The following RFX2 variants were observed in gnomAD, a reference collection of about 807,000 sequenced individuals.
The protein encoded by RFX2 is DNA-binding protein RFX2.
A neutral mutation model predicts 87.8 loss-of-function variants in RFX2; 20 were observed. The observed-to-expected ratio is 0.23, with a 90% CI of 0.16 to 0.33. The LOEUF is 0.33. RFX2 is among the 10% of genes least tolerant of loss of function. The pLI, the probability that RFX2 is intolerant of heterozygous loss-of-function variation, is 1.00. For synonymous variants in RFX2, 397 were observed against 431.3 expected, an observed-to-expected ratio of 0.92 and a Z score of 0.98; for missense variants, 767 against 1,012.3, an observed-to-expected ratio of 0.76 and a Z score of 3.29.
intron 1 of RFX2, among the ~76,000 whole-genome samples, chr19:6,091,757 G>A (rs1355697517): frequency 1.3e-5 from 2 of 152,220 alleles, no homozygotes; most frequent in Non-Finnish European, 2.9e-5. Context: ...GAGAGAAGTA[G>A]GTGTGGGGAA....
chr19:6,090,436 GAA>G (rs1309229884), intron 1 of RFX2, among the ~76,000 whole-genome samples: 1 of 150,604 alleles, frequency 6.6e-6, no homozygotes, highest in African/African-American at 2.4e-5. Flanking sequence ...GAAAGCACAT[GAA>G]AAGAGGCTCA....
rs1380605396 is a variant in RFX2, at chr19:5,993,609, T to C, written c.*1226A>G. 6.6e-6 allele frequency: 1 copy of C among 152,244 alleles called. No homozygotes were observed. Among genetic ancestry groups the C allele is most frequent in the African/African-American group, 2.4e-5 (1 of 41,464 alleles). 9.4% of individuals were successfully genotyped at this position (152,244 alleles called of 1,614,324 possible). The stretch of plus-strand genomic sequence containing the variant: ...CATTTTTCCAAAAAGAGAAAACTAT[T>C]GCATTTCGTTAGAAATCGCGTCCTG... On this transcript the variant is annotated 3_prime_UTR_variant, in exon 18 of 18. Coordinates refer to ENST00000303657, the MANE Select transcript of RFX2 (RefSeq NM_000635.4).
At chr19:6,031,097 T>C (rs1164135032) in intron 5 of RFX2, among the ~76,000 whole-genome samples, 1 of 152,234 alleles carries the variant, frequency 6.6e-6, no homozygotes, top group Non-Finnish European at 1.5e-5. Flanking sequence ...ACCTGCCAGC[T>C]GTTTTTCTTA....
In RFX2 at chr19:6,063,168, C is replaced by T. The variant is rs1568530480; in HGVS notation, c.-8-15664G>A. On this transcript the variant is annotated intron_variant, in intron 1 of 17. Transcript: ENST00000303657. This position sits in a 1 kb window ranked among gnomAD's most constrained non-coding sequence, Gnocchi z 4.0. ...CCTGGCGCCTGCTCTGTGGGGAAAGCCGGGCTTCCTCTGATTCCGGATGGA... is the reference window on the plus strand; with the variant it reads ...CCTGGCGCCTGCTCTGTGGGGAAAGTCGGGCTTCCTCTGATTCCGGATGGA... Among the ~76,000 whole-genome samples, 4 of 152,268 alleles carry T rather than the reference C, an allele frequency of 2.6e-5. No individual in the cohort carries two copies. In the East Asian group the frequency reaches 7.7e-4, roughly 29 times the overall value.
chr19:6,082,679 C>T (rs903879019), intron 1 of RFX2, among the ~76,000 whole-genome samples: 15 of 152,250 alleles, frequency 9.9e-5, no homozygotes, highest in Non-Finnish European at 2.1e-4. Flanking sequence ...GGGATCCGCC[C>T]ACTTTGGCCT....
Position 6,026,032 on chromosome 19 carries a change from G to C in RFX2, c.597+131C>G. ...ACTCCTGACTTCAAGTGATCCACCC[G>C]CCTTGGCCTCCCAAAGTGCTGGGAT... On this transcript the variant is annotated intron_variant, in intron 6 of 17. Coordinates refer to ENST00000303657, the MANE Select transcript of RFX2 (RefSeq NM_000635.4). The surrounding 1 kb of genome is among the most constrained non-coding windows in gnomAD (Gnocchi z 4.5). 4 of 704,002 alleles carry C rather than the reference G, an allele frequency of 5.7e-6. No homozygotes were observed. The highest frequency in any genetic ancestry group is 9.9e-6 in the Non-Finnish European group (4 of 403,040). The allele number at this position is 704,002 out of a possible 1,614,324, so 43.6% of individuals were successfully genotyped here.
chr19:6,037,856 C>A (rs1290791133), intron 5 of RFX2, among the ~76,000 whole-genome samples: 3 of 152,120 alleles, frequency 2.0e-5, no homozygotes, highest in African/African-American at 7.2e-5. Flanking sequence ...AACCCACACA[C>A]ATATGGCCAA....
chr19:5,996,362 C>T (rs1229815435), intron 16 of RFX2, among the ~76,000 whole-genome samples: 31 of 152,246 alleles, frequency 2.0e-4, no homozygotes, highest in Admixed American at 1.9e-3. Context: ...CGGCCAGCCA[C>T]GCACCGGAAC....
chr19:6,082,220 G>A (rs974230130), intron 1 of RFX2, among the ~76,000 whole-genome samples: 2 of 151,166 alleles, frequency 1.3e-5, no homozygotes, highest in African/African-American at 4.9e-5. Context: ...TTTGAACCAA[G>A]GAGGCAGAGG....
At position 6,007,841 on chromosome 19, in the gene RFX2, C is replaced by A; in HGVS notation, c.1135-39G>T. 1 of 1,350,542 alleles carries A rather than the reference C, an allele frequency of 7.4e-7. No individual in the cohort carries two copies. Among genetic ancestry groups the A allele is most frequent in the Non-Finnish European group, 1.0e-6 (1 of 963,766 alleles). 83.7% of individuals were successfully genotyped at this position (1,350,542 alleles called of 1,614,324 possible). On this transcript the variant is annotated intron_variant, in intron 10 of 17. Coordinates refer to ENST00000303657, the MANE Select transcript of RFX2 (RefSeq NM_000635.4). The surrounding 1 kb of genome is among the most constrained non-coding windows in gnomAD (Gnocchi z 8.2). ...GACCGGTGAGACAGACGGGTGCGTG[C>A]GCCCATCACGTGCACTCAGCACACG...
chr19:6,027,783 CAG>C lies in RFX2; in HGVS notation c.523-1548_523-1547del, dbSNP rs1215799267. 6.6e-6 allele frequency among the ~76,000 whole-genome samples: 1 copy of C among 152,190 alleles called. No individual in the cohort carries two copies. Among genetic ancestry groups the C allele is most frequent in the Non-Finnish European group, 1.5e-5 (1 of 68,028 alleles). The stretch of plus-strand genomic sequence containing the variant: ...TTATTTACTTATCTTTTTCTTGAGC[CAG>C]AGTCTTACTCTGTTTCCCAGGCTGG... On this transcript the variant is annotated intron_variant, in intron 5 of 17. Transcript: ENST00000303657. This position sits in a 1 kb window ranked among gnomAD's most constrained non-coding sequence, Gnocchi z 5.0.
chr19:6,094,738 C>T (rs547151779), intron 1 of RFX2, among the ~76,000 whole-genome samples: 1 of 152,266 alleles, frequency 6.6e-6, no homozygotes, highest in African/African-American at 2.4e-5. Context: ...AATAATTTTT[C>T]ATATAGGTTA....
intron 1 of RFX2, among the ~76,000 whole-genome samples, chr19:6,071,673 G>C (rs1039128214): frequency 6.6e-6 from 1 of 152,128 alleles, no homozygotes; most frequent in African/African-American, 2.4e-5. Context: ...TGCAGCAAAA[G>C]GGTCTTTTTG....
chr19:6,010,298 G>C lies in RFX2; in HGVS notation c.900-47C>G. ...CATCATGAGGCCCAGCAGCCCTGCTGCGGGTGGGCCCAAAGACTGGGGGGC... is the reference window on the plus strand; with the variant it reads ...CATCATGAGGCCCAGCAGCCCTGCTCCGGGTGGGCCCAAAGACTGGGGGGC... On this transcript the variant is annotated intron_variant, in intron 8 of 17. Coordinates refer to ENST00000303657, the MANE Select transcript of RFX2 (RefSeq NM_000635.4). The surrounding 1 kb of genome is among the most constrained non-coding windows in gnomAD (Gnocchi z 5.0). 7.6e-7 allele frequency: 1 copy of C among 1,314,850 alleles called. No individual in the cohort carries two copies. The highest frequency in any genetic ancestry group is 2.5e-5 in the East Asian group (1 of 39,682). The allele number at this position is 1,314,850 out of a possible 1,614,324, so 81.4% of individuals were successfully genotyped here.
At position 5,997,821 on chromosome 19, in the gene RFX2, A is replaced by C. The variant is rs1049680703; in HGVS notation, c.1860-608T>G. 1.3e-5 allele frequency among the ~76,000 whole-genome samples: 2 copies of C among 152,330 alleles called. No individual in the cohort carries two copies. Among genetic ancestry groups the C allele is most frequent in the Non-Finnish European group, 2.9e-5 (2 of 68,028 alleles). ...TGCTGACAATGCTTTACATTTTGAA[A>C]TGGTTGGAAAAAGTCAAAAGAATAA... On this transcript the variant is annotated intron_variant, in intron 15 of 17. Coordinates refer to ENST00000303657, the MANE Select transcript of RFX2 (RefSeq NM_000635.4). The surrounding 1 kb of genome is among the most constrained non-coding windows in gnomAD (Gnocchi z 4.2).
intron 1 of RFX2, among the ~76,000 whole-genome samples, chr19:6,052,945 A>G (rs116082689): frequency 0.022 from 3,280 of 152,292 alleles, 118 homozygotes; most frequent in African/African-American, 0.075. Context: ...GGGCACACCT[A>G]AAGCAGTGCT....
rs1319988343 is a variant in RFX2, at chr19:6,056,665, T to G, written c.-8-9161A>C. Among the ~76,000 whole-genome samples, 1 of 152,152 alleles carries G rather than the reference T, an allele frequency of 6.6e-6. No individual in the cohort carries two copies. The highest frequency in any genetic ancestry group is 2.4e-5 in the African/African-American group (1 of 41,416). On this transcript the variant is annotated intron_variant, in intron 1 of 17. Coordinates refer to ENST00000303657, the MANE Select transcript of RFX2 (RefSeq NM_000635.4). This position sits in a 1 kb window ranked among gnomAD's most constrained non-coding sequence, Gnocchi z 4.6. The stretch of plus-strand genomic sequence containing the variant: ...GTGCAAGACAGTAGATGTGAGTGAG[T>G]GGAGGCCATGCTTCTTCTCTGAACC...
chr19:6,008,003 C>T (rs1468360138), intron 10 of RFX2, 103 bp downstream of exon 10: 9 of 911,206 alleles, frequency 9.9e-6, no homozygotes, highest in East Asian at 2.6e-5. Context: ...TTGGGGGGCT[C>T]GGGGCTCCAG....
intron 1 of RFX2, among the ~76,000 whole-genome samples, chr19:6,104,949 C>T (rs2144914611): frequency 6.6e-6 from 1 of 152,016 alleles, no homozygotes; most frequent in Admixed American, 6.6e-5. Flanking sequence ...GAAACCCTGT[C>T]TCTACTAAAA....
Sources: allele counts gnomAD v4.1 joint callset (sites outside exome capture counted in the v4.1 genomes callset), GRCh38; gene constraint gnomAD v4.1.1; non-coding constraint Gnocchi (gnomAD v3.1); transcripts MANE v1.5; gene names NCBI Gene and HGNC (gene_info 2026-07-23, HGNC 2026-07-21).